Variants in PRDM9 observed in about 807,000 individuals in gnomAD.
PRDM9 encodes the protein PR/SET domain 9, also known as histone-lysine N-methyltransferase PRDM9.
A neutral mutation model predicts 55.6 loss-of-function variants in PRDM9; 47 were observed. The observed-to-expected ratio is 0.85, with a 90% confidence interval of 0.67 to 1.08. PRDM9 has a LOEUF of 1.08. Ranked by LOEUF, PRDM9 falls within the 50% of genes least tolerant of loss-of-function variation. PRDM9 has a pLI of 0.00. For missense variants in PRDM9, 867 were observed against 1,040.3 expected (o/e 0.83, Z 2.29); for synonymous variants, 312 against 375.7 (o/e 0.83, Z 1.96).
At chr5:23,508,873 C>T in intron 1 of PRDM9, 77 bp from the exon 2 acceptor site, 1 of 797,558 alleles carries the variant, frequency 1.3e-6, no homozygotes, top group Non-Finnish European at 2.0e-6. Context: ...AACACCCAGC[C>T]AGATGGAGAA....
chr5:23,509,077 C>A lies in PRDM9; in HGVS notation c.44C>A (p.Thr15Lys). Residue 15 changes from threonine to lysine, a missense_variant, in exon 2 of 11, where the codon ACA becomes AAA. Physicochemically the swap from Thr to Lys is moderately conservative, Grantham distance 78. This residue lies in a region of PRDM9 where 662 missense variants were observed against 711.9 expected (regional missense o/e 0.93). Transcript: ENST00000296682. ...KSQEESPEED[T>K]ERTERKPMVK... ...CAAGAGGAGAGCCCAGAAGAAGACA[C>A]AGAGAGAACAGAGCGGAAGCCCATG... 6.2e-7 allele frequency: 1 copy of A among 1,614,084 alleles called. No individual in the cohort carries two copies.
rs112157044 is a variant in PRDM9 at position 23,522,385 on chromosome 5, C to T, written c.590C>T (p.Pro197Leu). The T allele has an allele frequency of 1.3e-5, 21 of 1,613,890 alleles. No homozygotes were observed. In the African/African-American group the frequency reaches 1.6e-4, roughly 12 times the overall value. Residue 197 changes from proline to leucine, a missense_variant, in exon 7 of 11, where the codon CCG becomes CTG. This residue lies in a region of PRDM9 where 662 missense variants were observed against 711.9 expected (regional missense o/e 0.93). Transcript: ENST00000296682. ...KGHAYKEVSEPQDDDYLYCEM... is the reference protein window; with the variant it reads ...KGHAYKEVSELQDDDYLYCEM... Reference sequence around the variant, plus strand: ...CATGCATACAAAGAGGTCAGCGAGCCGCAGGATGATGATTACCTCTGTAAG... The same window carrying T: ...CATGCATACAAAGAGGTCAGCGAGCTGCAGGATGATGATTACCTCTGTAAG...
Position 23,509,513 on chromosome 5 carries a change from A to C in PRDM9, c.113A>C (p.Glu38Ala). 1.9e-6 allele frequency: 3 copies of C among 1,614,198 alleles called. No homozygotes were observed. The highest frequency in any genetic ancestry group is 2.5e-6 in the Non-Finnish European group (3 of 1,180,040). ...GACATTTCCATATACTTCACCAAGG[A>C]AGAATGGGCAGAGATGGGAGACTGG... ...FKDISIYFTK[E>A]EWAEMGDWEK... The change falls in exon 3 of 11, where the codon GAA becomes GCA. Residue 38 changes from glutamate to alanine, a missense_variant. Coordinates refer to ENST00000296682, the MANE Select transcript of PRDM9 (RefSeq NM_020227.4).
chr5:23,509,153 G>C, intron 2 of PRDM9, 51 bp downstream of exon 2: 2 of 1,604,106 alleles, frequency 1.2e-6, no homozygotes, highest in Non-Finnish European at 1.7e-6. Context: ...CTGATCTCTG[G>C]AGTGCTGCAG....
intron 10 of PRDM9, 109 bp from the exon 11 acceptor site, chr5:23,526,124 G>A (rs981770099): frequency 1.1e-5 from 15 of 1,316,074 alleles, no homozygotes; most frequent in Non-Finnish European, 1.6e-5. Context: ...GAAAGAGCTT[G>A]CATTGTTAAC....
At chr5:23,509,716 C>A in intron 3 of PRDM9, 123 bp downstream of exon 3, 1 of 1,561,098 alleles carries the variant, frequency 6.4e-7, no homozygotes. Context: ...GTAGACAAAT[C>A]TGGAGGGAAA....
intron 8 of PRDM9, 92 bp downstream of exon 8, chr5:23,522,977 G>T: frequency 3.1e-6 from 5 of 1,596,368 alleles, no homozygotes; most frequent in Non-Finnish European, 1.7e-6. Context: ...TAGTATATAG[G>T]TAAGGATAAC....
rs1739374822 is a variant in PRDM9 at position 23,523,486 on chromosome 5, G to A, written c.950+128G>A. 3.2e-6 allele frequency: 3 copies of A among 944,760 alleles called. No homozygotes were observed. The Admixed American group carries it at 6.0e-5, about 19-fold the overall frequency. 58.5% of individuals were successfully genotyped at this position (944,760 alleles called of 1,614,324 possible). ...CTATTTCTATTTTTCTCCATACAAT[G>A]CTGTTTTATACCATCAACATTTAGA... On this transcript the variant is annotated intron_variant, in intron 9 of 10. Transcript: ENST00000296682.
intron 4 of PRDM9, among the ~76,000 whole-genome samples, chr5:23,516,875 A>C (rs1239587352): frequency 6.7e-6 from 1 of 148,574 alleles, no homozygotes; most frequent in Non-Finnish European, 1.5e-5. Context: ...GCCCGCCACC[A>C]CACCTGTAAT....
At chr5:23,518,757 C>T (rs1276765109) in intron 5 of PRDM9, among the ~76,000 whole-genome samples, 2 of 152,214 alleles carry the variant, frequency 1.3e-5, no homozygotes, top group Admixed American at 1.3e-4. Flanking sequence ...CAGCTCCTTC[C>T]TCTGGGCTCC....
At chr5:23,523,196 A>C (rs1413254168) in intron 8 of PRDM9, 95 bp from the exon 9 acceptor site, 4 of 1,408,244 alleles carry the variant, frequency 2.8e-6, no homozygotes, top group Non-Finnish European at 4.0e-6. Flanking sequence ...AGCTGAAGCT[A>C]TGCAGGCCCA....
At chr5:23,518,265 A>G (rs1178960622) in intron 5 of PRDM9, among the ~76,000 whole-genome samples, 6 of 152,248 alleles carry the variant, frequency 3.9e-5, no homozygotes, top group Non-Finnish European at 7.3e-5. Flanking sequence ...TGAGGTATAA[A>G]AATGTTCAGT....
chr5:23,525,556 T>A (rs996076674), intron 10 of PRDM9, among the ~76,000 whole-genome samples: 1 of 152,204 alleles, frequency 6.6e-6, no homozygotes, highest in Non-Finnish European at 1.5e-5. Context: ...CCCAGAGTCC[T>A]TTAGTCAGTG....
chr5:23,508,881 G>A, intron 1 of PRDM9, 69 bp from the exon 2 acceptor site: 1 of 858,736 alleles, frequency 1.2e-6, no homozygotes, highest in Non-Finnish European at 1.8e-6. Flanking sequence ...GCCAGATGGA[G>A]AAGACAGAGC....
intron 9 of PRDM9, among the ~76,000 whole-genome samples, chr5:23,524,082 G>A (rs1281257968): frequency 2.0e-5 from 3 of 152,104 alleles, no homozygotes; most frequent in Non-Finnish European, 4.4e-5. Context: ...CTGGAGTTGG[G>A]CTTTGAAAAA....
At chr5:23,524,202 C>A in intron 9 of PRDM9, 132 bp from the exon 10 acceptor site, 1 of 1,172,996 alleles carries the variant, frequency 8.5e-7, no homozygotes, top group African/African-American at 1.5e-5. Flanking sequence ...GCAGAAGGTT[C>A]CCGGAGGAGT....
At chr5:23,517,959 G>C (rs1158682355) in intron 5 of PRDM9, 29 bp downstream of exon 5, 1 of 1,547,770 alleles carries the variant, frequency 6.5e-7, no homozygotes, top group East Asian at 2.2e-5. Flanking sequence ...CTATTGACAA[G>C]AAACCTTCCT....
intron 4 of PRDM9, among the ~76,000 whole-genome samples, chr5:23,516,385 T>A (rs968758282): frequency 3.3e-5 from 5 of 152,116 alleles, no homozygotes; most frequent in Admixed American, 2.0e-4. Flanking sequence ...ATTATTATTA[T>A]TTTTTTAGAT....
intron 4 of PRDM9, among the ~76,000 whole-genome samples, chr5:23,514,456 A>ATT (rs879937422): frequency 6.8e-6 from 1 of 147,374 alleles, no homozygotes; most frequent in East Asian, 2.0e-4. Context: ...CTACTAGAAG[A>ATT]TTTTTTTTTT....
Sources: allele counts gnomAD v4.1 joint callset (sites outside exome capture counted in the v4.1 genomes callset), GRCh38; gene constraint gnomAD v4.1.1; regional missense constraint gnomAD v4.1.1; transcripts MANE v1.5; gene names NCBI Gene and HGNC (gene_info 2026-07-23, HGNC 2026-07-21).